Variants in ADAMTS20 observed in about 807,000 individuals in gnomAD.
ADAMTS20 encodes the protein ADAM metallopeptidase with thrombospondin type 1 motif 20.
Under a neutral mutation model 260.1 loss-of-function variants are expected in ADAMTS20, and 225 were observed. The observed-to-expected ratio is 0.87, with a 90% CI of 0.78 to 0.97. The LOEUF is 0.97. ADAMTS20 is among the 50% of genes least tolerant of loss of function. The pLI is 0.00. For synonymous variants in ADAMTS20, 802 were observed against 769.5 expected (o/e 1.04, Z -0.70); for missense variants, 2,400 against 2,337.7 (o/e 1.03, Z -0.55).
At chr12:43,366,847 T>C (rs1426659726) in intron 37 of ADAMTS20, among the ~76,000 whole-genome samples, 3 of 151,532 alleles carry the variant, frequency 2.0e-5, no homozygotes, top group Non-Finnish European at 4.4e-5. Context: ...AAAGGAAAAA[T>C]AATCTCAAAT....
chr12:43,409,619 A>C (rs1246373817), intron 28 of ADAMTS20, among the ~76,000 whole-genome samples: 1 of 147,188 alleles, frequency 6.8e-6, no homozygotes, highest in Non-Finnish European at 1.5e-5. Flanking sequence ...AAAAAAAAAA[A>C]AAAAAAAAAA....
intron 18 of ADAMTS20, 95 bp from the exon 19 acceptor site, chr12:43,434,466 A>C: frequency 1.5e-6 from 2 of 1,299,696 alleles, no homozygotes; most frequent in South Asian, 3.1e-5. Flanking sequence ...TAAAGGAGCC[A>C]GCTAAGCAAG....
chr12:43,417,273 TTTCAG>T (rs1214879004), intron 28 of ADAMTS20, among the ~76,000 whole-genome samples: 2 of 152,184 alleles, frequency 1.3e-5, no homozygotes, highest in Non-Finnish European at 1.5e-5. Flanking sequence ...TAGGATCACT[TTTCAG>T]TTCAGTTAAC....
intron 2 of ADAMTS20, among the ~76,000 whole-genome samples, chr12:43,547,672 A>G (rs1353884813): frequency 6.6e-6 from 1 of 151,618 alleles, no homozygotes; most frequent in Non-Finnish European, 1.5e-5. Flanking sequence ...GCATCACCAA[A>G]CCAGTTTACC....
At chr12:43,363,274 A>G (rs911066213) in intron 37 of ADAMTS20, among the ~76,000 whole-genome samples, 1 of 152,102 alleles carries the variant, frequency 6.6e-6, no homozygotes, top group African/African-American at 2.4e-5. Context: ...AGCATTTCTC[A>G]TCCCACCCAA....
intron 29 of ADAMTS20, among the ~76,000 whole-genome samples, chr12:43,391,554 T>C (rs1379461914): frequency 6.6e-6 from 1 of 152,168 alleles, no homozygotes. Flanking sequence ...GTGTAGAGTA[T>C]GTCTAAAGAT....
chr12:43,452,223 C>T, intron 14 of ADAMTS20, 51 bp downstream of exon 14: 4 of 1,516,280 alleles, frequency 2.6e-6, no homozygotes, highest in Non-Finnish European at 2.7e-6. Context: ...CGAAAAAAAA[C>T]ATTATTCTTA....
chr12:43,529,787 T>C (rs1430813753), intron 3 of ADAMTS20, among the ~76,000 whole-genome samples: 1 of 152,132 alleles, frequency 6.6e-6, no homozygotes, highest in Non-Finnish European at 1.5e-5. Flanking sequence ...AAACCACTAG[T>C]ACTCCAAAAG....
In ADAMTS20 at chr12:43,439,894, T is replaced by C. The variant is rs1428531224; in HGVS notation, c.2463+3A>G. 6.2e-7 allele frequency: 1 copy of C among 1,603,528 alleles called. No individual in the cohort carries two copies. The highest frequency in any genetic ancestry group is 1.3e-5 in the African/African-American group (1 of 74,520). On this transcript the variant is annotated splice_donor_region_variant and intron_variant, in intron 17 of 38. Coordinates refer to ENST00000389420, the MANE Select transcript of ADAMTS20 (RefSeq NM_025003.5). ...GTGTTATTACTGATGACTGAGAATT[T>C]ACCTGCAAAATAAGTTCTTTCTCTT... is the stretch of plus-strand genomic sequence containing the variant.
chr12:43,428,130 C>G, intron 26 of ADAMTS20, 111 bp downstream of exon 26: 2 of 1,114,854 alleles, frequency 1.8e-6, no homozygotes, highest in Non-Finnish European at 2.5e-6. Context: ...AACTATTGAT[C>G]TTGAAATAAA....
chr12:43,401,245 A>T (rs970238823), intron 28 of ADAMTS20, among the ~76,000 whole-genome samples: 2 of 151,976 alleles, frequency 1.3e-5, no homozygotes, highest in African/African-American at 4.8e-5. Flanking sequence ...GAATGGTCTT[A>T]TGTGTATGTT....
chr12:43,452,328 A>G lies in ADAMTS20; in HGVS notation c.2025T>C (p.Asp675=). The G allele has an allele frequency of 6.2e-7, 1 of 1,613,434 alleles. No homozygotes were observed. The highest frequency in any genetic ancestry group is 8.5e-7 in the Non-Finnish European group (1 of 1,179,558). The change falls in exon 14 of 39, where the codon GAT becomes GAC. Residue 675 remains aspartate, a synonymous_variant. Coordinates refer to ENST00000389420, the MANE Select transcript of ADAMTS20 (RefSeq NM_025003.5). ...YFYLLKDMVE[D]GTPCGTETHD... ...GAGTTTCAGTTCCACAAGGAGTACCATCTTCAACCATATCCTTCAATAGGT... is the reference window on the plus strand; with the variant it reads ...GAGTTTCAGTTCCACAAGGAGTACCGTCTTCAACCATATCCTTCAATAGGT...
intron 7 of ADAMTS20, among the ~76,000 whole-genome samples, chr12:43,477,071 A>C (rs964725705): frequency 6.9e-6 from 1 of 144,266 alleles, no homozygotes; most frequent in Non-Finnish European, 1.5e-5. Context: ...AAAAAAAAAC[A>C]ATTACCTTAA....
At position 43,501,055 on chromosome 12, in the gene ADAMTS20, C is replaced by CTTTTTTTTTTTTTT. The variant is rs79075751; in HGVS notation, c.867+1083_867+1096dup. 3.5e-4 allele frequency among the ~76,000 whole-genome samples: 37 copies of CTTTTTTTTTTTTTT among 104,856 alleles called. 1 individual carries two copies. The highest frequency in any genetic ancestry group is 2.1e-3 in the East Asian group (5 of 2,408). The allele number at this position is 104,856 out of a possible 152,430, so 68.8% of individuals were successfully genotyped here. A position where few individuals can be genotyped will look rare whatever the true frequency, so the allele number is the denominator to read the frequency against. Reference sequence around the variant, plus strand: ...TCTATAAATAGGTGGCTATGTAATTCTTTTTTTTTTTTTTTTTTTTGAGTC... The same window carrying CTTTTTTTTTTTTTT: ...TCTATAAATAGGTGGCTATGTAATTCTTTTTTTTTTTTTTTTTTTTTTTTTTTTTTTTTTGAGTC... On this transcript the variant is annotated intron_variant, in intron 4 of 38. Coordinates refer to ENST00000389420, the MANE Select transcript of ADAMTS20 (RefSeq NM_025003.5).
At chr12:43,470,336 C>A (rs1942231917) in intron 7 of ADAMTS20, among the ~76,000 whole-genome samples, 1 of 152,112 alleles carries the variant, frequency 6.6e-6, no homozygotes, top group African/African-American at 2.4e-5. Flanking sequence ...AGTCCATTAC[C>A]AACCAAACTT....
chr12:43,366,169 T>C (rs1939981310), intron 37 of ADAMTS20, among the ~76,000 whole-genome samples: 1 of 151,768 alleles, frequency 6.6e-6, no homozygotes. Flanking sequence ...ATAGCAATTC[T>C]AACAGAGCTG....
At position 43,375,382 on chromosome 12, in the gene ADAMTS20, T is replaced by C. The variant is rs780544623; in HGVS notation, c.5443A>G (p.Lys1815Glu). Residue 1815 changes from lysine to glutamate, a missense_variant, in exon 36 of 39, where the codon AAA becomes GAA. Transcript: ENST00000389420. ...IRIDLTSMQI[K>E]TTDLLFSKTI... is the part of the protein sequence containing the mutation. ...AAAATATAGATTGAGCACTTACTTT[T>C]AATTTGCATGGAAGTGAGATCAATT... 1 of 1,611,226 alleles carries C rather than the reference T, an allele frequency of 6.2e-7. No homozygotes were observed. Among genetic ancestry groups the C allele is most frequent in the Non-Finnish European group, 8.5e-7 (1 of 1,179,268 alleles).
At chr12:43,397,061 A>G (rs957900021) in intron 29 of ADAMTS20, among the ~76,000 whole-genome samples, 3 of 152,166 alleles carry the variant, frequency 2.0e-5, no homozygotes, top group Non-Finnish European at 1.5e-5. Flanking sequence ...CTTTGCCATT[A>G]TCCTGACACA....
chr12:43,421,713 A>G (rs1312378144), intron 28 of ADAMTS20, among the ~76,000 whole-genome samples: 16 of 152,034 alleles, frequency 1.1e-4, no homozygotes, highest in Admixed American at 1.0e-3. Flanking sequence ...TAAAGAGAAA[A>G]TTATAAAAAT....
Sources: allele counts gnomAD v4.1 joint callset (sites outside exome capture counted in the v4.1 genomes callset), GRCh38; gene constraint gnomAD v4.1.1; transcripts MANE v1.5; gene names NCBI Gene and HGNC (gene_info 2026-07-23, HGNC 2026-07-21).